LRCH1: variants seen among roughly 807,000 people sequenced by gnomAD.
The protein encoded by LRCH1 is leucine-rich repeat and calponin homology domain-containing protein 1.
Under a neutral mutation model 94.9 loss-of-function variants are expected in LRCH1, and 23 were observed. That is an observed-to-expected ratio of 0.24 (90% CI 0.17 to 0.34). The LOEUF is 0.34. LRCH1 is among the 10% of genes least tolerant of loss of function. The probability of loss-of-function intolerance (pLI) is 1.00; values close to 1 mark genes in which losing one functional copy is unlikely to be tolerated. For synonymous variants in LRCH1, 364 were observed against 354.9 expected, an observed-to-expected ratio of 1.03 and a Z score of -0.29; for missense variants, 790 against 945.9, an observed-to-expected ratio of 0.84 and a Z score of 2.16.
intron 2 of LRCH1, among the ~76,000 whole-genome samples, chr13:46,667,946 A>T (rs1036901282): frequency 6.6e-6 from 1 of 152,236 alleles, no homozygotes; most frequent in Admixed American, 6.5e-5. Context: ...CATGTCTATA[A>T]ATACACTCAC....
At chr13:46,602,974 G>GCATACATACATA (rs1491125291) in intron 1 of LRCH1, among the ~76,000 whole-genome samples, 1 of 27,602 alleles carries the variant, frequency 3.6e-5, no homozygotes, top group East Asian at 2.1e-3. Context: ...ATACATACAT[G>GCATACATACATA]CATGCATACA....
intron 18 of LRCH1, among the ~76,000 whole-genome samples, chr13:46,731,003 A>G (rs891187942): frequency 6.6e-6 from 1 of 152,166 alleles, no homozygotes; most frequent in Non-Finnish European, 1.5e-5. Context: ...ATAGGAAACA[A>G]TGAGTGACTG....
chr13:46,643,986 A>C (rs1262525351), intron 1 of LRCH1, among the ~76,000 whole-genome samples: 2 of 152,130 alleles, frequency 1.3e-5, no homozygotes, highest in African/African-American at 4.8e-5. Context: ...TGAATTTTGG[A>C]CACATAAAAG....
intron 11 of LRCH1, among the ~76,000 whole-genome samples, chr13:46,704,416 C>T (rs932081588): frequency 6.6e-6 from 1 of 152,006 alleles, no homozygotes; most frequent in Admixed American, 6.6e-5. Context: ...CTGTCTTTAT[C>T]TTGATTTCTT....
chr13:46,605,815 A>G (rs1433916584), intron 1 of LRCH1, among the ~76,000 whole-genome samples: 1 of 152,214 alleles, frequency 6.6e-6, no homozygotes, highest in Non-Finnish European at 1.5e-5. Context: ...CAAACCTATA[A>G]TTTGTGATAA....
At chr13:46,582,648 CTTTTTTTTTTTTTTTTTTTT>C (rs551678501) in intron 1 of LRCH1, among the ~76,000 whole-genome samples, 1 of 23,332 alleles carries the variant, frequency 4.3e-5, no homozygotes, top group African/African-American at 1.3e-4. Flanking sequence ...CCATGCCCAG[CTTTTTTTTTTTTTTTTTTTT>C]TTTTGTATTT....
chr13:46,699,871 A>C (rs1871376208), intron 10 of LRCH1, among the ~76,000 whole-genome samples: 1 of 152,160 alleles, frequency 6.6e-6, no homozygotes, highest in Non-Finnish European at 1.5e-5. Context: ...CATTGTCCTA[A>C]ATACTTGACA....
chr13:46,729,532 CAG>C (rs1315013875), intron 18 of LRCH1, among the ~76,000 whole-genome samples: 3 of 121,650 alleles, frequency 2.5e-5, no homozygotes, highest in African/African-American at 9.8e-5. Flanking sequence ...AGCCTGGAGA[CAG>C]AGTGAGACCC....
intron 1 of LRCH1, among the ~76,000 whole-genome samples, chr13:46,557,384 C>T (rs768243543): frequency 1.3e-5 from 2 of 150,710 alleles, no homozygotes; most frequent in African/African-American, 2.4e-5. Flanking sequence ...TATTTCATTG[C>T]TAATTATCTT....
At chr13:46,572,797 C>T (rs889886672) in intron 1 of LRCH1, among the ~76,000 whole-genome samples, 2 of 152,128 alleles carry the variant, frequency 1.3e-5, no homozygotes, top group African/African-American at 2.4e-5. Context: ...ATTCATCCAT[C>T]CAGCAAATAT....
intron 1 of LRCH1, among the ~76,000 whole-genome samples, chr13:46,572,814 T>C (rs1003353058): frequency 6.6e-6 from 1 of 152,128 alleles, no homozygotes; most frequent in African/African-American, 2.4e-5. Context: ...ATATTTATTA[T>C]CTAGTGTGAG....
chr13:46,664,566 CTT>C (rs1445326807), intron 2 of LRCH1, among the ~76,000 whole-genome samples: 2 of 152,178 alleles, frequency 1.3e-5, no homozygotes, highest in Non-Finnish European at 2.9e-5. Context: ...TGTGTAAGTA[CTT>C]TCTGTGATAT....
At chr13:46,683,941 C>T (rs1159028823) in intron 4 of LRCH1, among the ~76,000 whole-genome samples, 1 of 152,044 alleles carries the variant, frequency 6.6e-6, no homozygotes, top group African/African-American at 2.4e-5. Flanking sequence ...AAAATACTTT[C>T]AGTCAGTGAC....
chr13:46,722,547 C>T (rs1872630375), intron 16 of LRCH1, among the ~76,000 whole-genome samples: 1 of 152,282 alleles, frequency 6.6e-6, no homozygotes, highest in East Asian at 1.9e-4. Flanking sequence ...GAGGATGCCC[C>T]GCTGTTAGTT....
At chr13:46,746,576 C>T (rs953938139), downstream of LRCH1, among the ~76,000 whole-genome samples, 1 of 152,182 alleles carries the variant, frequency 6.6e-6, no homozygotes, top group Non-Finnish European at 1.5e-5. Context: ...TCTACTGTCA[C>T]GTTCTCAACA....
At chr13:46,677,706 G>A (rs1419095769) in intron 3 of LRCH1, among the ~76,000 whole-genome samples, 1 of 152,146 alleles carries the variant, frequency 6.6e-6, no homozygotes, top group East Asian at 1.9e-4. Flanking sequence ...ATGATGACCA[G>A]TGGAAAGTAA....
chr13:46,640,413 T>C lies in LRCH1; in HGVS notation c.308-9788T>C, dbSNP rs530044564. Among the ~76,000 whole-genome samples, 3 of 152,288 alleles carry C rather than the reference T, an allele frequency of 2.0e-5. No homozygotes were observed. In the South Asian group the frequency reaches 6.2e-4, roughly 32 times the overall value. On this transcript the variant is annotated intron_variant, in intron 1 of 19. Coordinates refer to ENST00000389797, the MANE Select transcript of LRCH1 (RefSeq NM_001164211.2). ...GAGAAATTAAGTAATTACTTCCAAG[T>C]TCATGCAGCTAAGTGGTGGGACCAG...
chr13:46,710,418 G>A (rs771282947), intron 13 of LRCH1, among the ~76,000 whole-genome samples: 47 of 152,190 alleles, frequency 3.1e-4, no homozygotes, highest in Non-Finnish European at 5.6e-4. Flanking sequence ...GGCACATCAC[G>A]TGATCTGACT....
intron 1 of LRCH1, among the ~76,000 whole-genome samples, chr13:46,582,684 A>G (rs555034173): frequency 4.4e-5 from 1 of 22,986 alleles, no homozygotes; most frequent in Admixed American, 7.1e-4. Flanking sequence ...TATTTTTAGT[A>G]GAGACGGGGT....
Sources: allele counts gnomAD v4.1 joint callset (sites outside exome capture counted in the v4.1 genomes callset), GRCh38; gene constraint gnomAD v4.1.1; transcripts MANE v1.5; gene names NCBI Gene and HGNC (gene_info 2026-07-23, HGNC 2026-07-21).